DUSP2: variants seen among roughly 807,000 people sequenced by gnomAD.
DUSP2 encodes dual specificity phosphatase 2.
DUSP2 carries 20 observed loss-of-function variants against 23.3 expected under a neutral mutation model. That is an observed-to-expected ratio of 0.86 (90% CI 0.60 to 1.25). The LOEUF (loss-of-function observed/expected upper bound fraction) is 1.25. DUSP2 is among the 50% of genes most tolerant of loss of function. DUSP2 has a pLI of 0.00. For synonymous variants in DUSP2, 231 were observed against 209.7 expected (o/e 1.10, Z -0.88); for missense variants, 435 against 452.6 (o/e 0.96, Z 0.35).
rs1682476114 is a variant in DUSP2 at position 96,144,810 on chromosome 2, G to C, written c.461C>G (p.Thr154Arg). The change falls in exon 2 of 4, where the codon ACA (threonine) becomes AGA (arginine). Residue 154 changes from threonine (T) to arginine (R), a missense_variant. Thr to Arg is a moderately conservative substitution (Grantham distance 71, BLOSUM62 -1). Coordinates refer to ENST00000288943, the MANE Select transcript of DUSP2 (RefSeq NM_004418.4). ...GTCGGAGCGGCTGGTTTTGTCCCCT[G>C]TTGGCGGCAGCGCAGGGGCGGGGGC... The part of the protein sequence containing the change: ...SEAPAPALPP[T>R]GDKTSRSDSR... The C allele has an allele frequency of 6.3e-7, 1 of 1,576,826 alleles. No individual in the cohort carries two copies. The highest frequency in any genetic ancestry group is 1.2e-5 in the South Asian group (1 of 86,210).
At position 96,144,230 on chromosome 2, in the gene DUSP2, G is replaced by T; in HGVS notation, c.654C>A (p.Arg218=). The change falls in exon 3 of 4, where the codon CGC becomes CGA. Residue 218 remains arginine (R), a synonymous_variant. Transcript: ENST00000288943. ...TGTCCTCCACAGGGATACTCTTGTA[G>T]CGGAAAAGGCCCTCAAAGTGGTTGG... The part of the protein sequence containing the change: ...SCPNHFEGLF[R]YKSIPVEDNQ... The T allele has an allele frequency of 6.2e-7, 1 of 1,614,140 alleles. No homozygotes were observed. Among genetic ancestry groups the T allele is most frequent in the African/African-American group, 1.3e-5 (1 of 75,052 alleles).
At position 96,143,971 on chromosome 2, in the gene DUSP2, G is replaced by A; in HGVS notation, c.797C>T (p.Thr266Ile). The A allele has an allele frequency of 6.2e-7, 1 of 1,613,832 alleles. No homozygotes were observed. The highest frequency in any genetic ancestry group is 8.5e-7 in the Non-Finnish European group (1 of 1,180,018). ...CTGCATGAGGTATGCCAGACAGATG[G>A]TGGCAGAGCGCGAGATACCCGCCTG... Reference protein sequence around the residue: ...HCQAGISRSATICLAYLMQSR... With the variant: ...HCQAGISRSAIICLAYLMQSR... The change falls in exon 4 of 4, where the codon ACC becomes ATC. Residue 266 changes from threonine (T) to isoleucine (I), a missense_variant. Thr to Ile is a moderately conservative substitution (Grantham distance 89, BLOSUM62 -1). Transcript: ENST00000288943.
At position 96,144,320 on chromosome 2, in the gene DUSP2, C is replaced by A; in HGVS notation, c.564G>T (p.Ser188=). Residue 188 remains serine (S), a synonymous_variant, in exon 3 of 4, where the codon TCG becomes TCT. Coordinates refer to ENST00000288943, the MANE Select transcript of DUSP2 (RefSeq NM_004418.4). ...PYLFLGSCSH[S]SDLQGLQACG... ...AGGCCTGCAGCCCCTGCAGGTCTGA[C>A]GAGTGACTGCAGCTGCCCAGGAACA... 1 of 1,613,814 alleles carries A rather than the reference C, an allele frequency of 6.2e-7. No homozygotes were observed.
rs765869354 is a variant in DUSP2 at position 96,144,353 on chromosome 2, C to T, written c.531G>A (p.Leu177=). ...VYDQGGPVEI[L]PYLFLGSCSH... Reference sequence around the variant, plus strand: ...TGCAGCTGCCCAGGAACAGGTAGGGCAAGATCTCCACAGGGCCACCCTGGA... The same window carrying T: ...TGCAGCTGCCCAGGAACAGGTAGGGTAAGATCTCCACAGGGCCACCCTGGA... The change falls in exon 3 of 4, where the codon TTG becomes TTA. Residue 177 remains leucine, a synonymous_variant. Coordinates refer to ENST00000288943, the MANE Select transcript of DUSP2 (RefSeq NM_004418.4). 1 of 1,613,572 alleles carries T rather than the reference C, an allele frequency of 6.2e-7. No individual in the cohort carries two copies. Among genetic ancestry groups the T allele is most frequent in the Non-Finnish European group, 8.5e-7 (1 of 1,179,972 alleles).
intron 2 of DUSP2, 50 bp from the exon 3 acceptor site, chr2:96,144,423 G>C (rs952192391): frequency 3.8e-6 from 6 of 1,580,894 alleles, no homozygotes; most frequent in South Asian, 1.1e-5. Context: ...GCCCCGGAGA[G>C]CTGGAGCAGC....
intron 1 of DUSP2, 36 bp from the exon 2 acceptor site, chr2:96,144,918 G>T: frequency 6.5e-7 from 1 of 1,548,776 alleles, no homozygotes; most frequent in Non-Finnish European, 8.7e-7. Context: ...AGCAGGGAAA[G>T]CCGGGCTGGA....
chr2:96,143,753 G>C lies in DUSP2; in HGVS notation c.*70C>G. ...GAGGTGAGGGGACTGTGCTGGCCCA[G>C]AGGGGAGCCCACCAGTCCACAGTCA... On this transcript the variant is annotated 3_prime_UTR_variant, in exon 4 of 4. Transcript: ENST00000288943. 2 of 1,572,482 alleles carry C rather than the reference G, an allele frequency of 1.3e-6. No homozygotes were observed. The highest frequency in any genetic ancestry group is 1.7e-6 in the Non-Finnish European group (2 of 1,153,752).
In DUSP2 at chr2:96,144,364, C is replaced by T; in HGVS notation, c.520G>A (p.Val174Met). 1 of 1,613,332 alleles carries T rather than the reference C, an allele frequency of 6.2e-7. No homozygotes were observed. The highest frequency in any genetic ancestry group is 1.1e-5 in the South Asian group (1 of 91,082). ...AGGAACAGGTAGGGCAAGATCTCCA[C>T]AGGGCCACCCTGGAGGGAACAGAGG... ...RAPVYDQGGPVEILPYLFLGS... is the reference protein window; with the variant it reads ...RAPVYDQGGPMEILPYLFLGS... Residue 174 changes from valine to methionine, a missense_variant, in exon 3 of 4, where the codon GTG (valine) becomes ATG (methionine). Val to Met is a conservative substitution (Grantham distance 21). Transcript: ENST00000288943.
chr2:96,145,299 C>T lies in DUSP2; in HGVS notation c.56G>A (p.Arg19Gln). The T allele has an allele frequency of 1.4e-6, 2 of 1,401,990 alleles. No homozygotes were observed. Among genetic ancestry groups the T allele is most frequent in the Admixed American group, 5.6e-5 (2 of 35,752 alleles). 86.8% of individuals were successfully genotyped at this position (1,401,990 alleles called of 1,614,324 possible). ...CGTGCGTTCCGCCTCCCGCGGATCC[C>T]GCAGCAGCGTGCCCAGCGCCGCGCA... ...LECAALGTLL[R>Q]DPREAERTLL... Residue 19 changes from arginine to glutamine, a missense_variant, in exon 1 of 4, where the codon CGG (arginine) becomes CAG (glutamine). Coordinates refer to ENST00000288943, the MANE Select transcript of DUSP2 (RefSeq NM_004418.4).
At position 96,144,276 on chromosome 2, in the gene DUSP2, A is replaced by G; in HGVS notation, c.608T>C (p.Leu203Pro). ...GTTGGGGCAGCTGGCGGACACGTTG[A>G]GGACGGCTGTGATGCCACAGGCCTG... ...GLQACGITAVLNVSASCPNHF... is the reference protein window; with the variant it reads ...GLQACGITAVPNVSASCPNHF... Residue 203 changes from leucine to proline, a missense_variant, in exon 3 of 4, where the codon CTC (leucine) becomes CCC (proline). Transcript: ENST00000288943. 1 of 1,613,926 alleles carries G rather than the reference A, an allele frequency of 6.2e-7. No individual in the cohort carries two copies. The highest frequency in any genetic ancestry group is 1.6e-4 in the Middle Eastern group (1 of 6,062).
intron 2 of DUSP2, 92 bp downstream of exon 2, chr2:96,144,669 C>A: frequency 1.6e-6 from 2 of 1,235,512 alleles, no homozygotes; most frequent in Non-Finnish European, 1.1e-6. Flanking sequence ...GGGCAAACTG[C>A]TCGCATCCCC....
Position 96,145,316 on chromosome 2 carries a change from C to T in DUSP2, c.39G>A (p.Ala13=). The T allele has an allele frequency of 7.0e-7, 1 of 1,424,950 alleles. No homozygotes were observed. 88.3% of individuals were successfully genotyped at this position (1,424,950 alleles called of 1,614,324 possible). A position where few individuals can be genotyped will look rare whatever the true frequency, so the allele number is the denominator to read the frequency against. ...LEAARELECA[A]LGTLLRDPRE... is the part of the protein sequence containing the mutation. Reference sequence around the variant, plus strand: ...GCGGATCCCGCAGCAGCGTGCCCAGCGCCGCGCACTCCAGCTCGCGCGCCG... The same window carrying T: ...GCGGATCCCGCAGCAGCGTGCCCAGTGCCGCGCACTCCAGCTCGCGCGCCG... The change falls in exon 1 of 4, where the codon GCG becomes GCA. Residue 13 remains alanine (A), a synonymous_variant. Transcript: ENST00000288943.
Position 96,144,199 on chromosome 2 carries a change from T to C in DUSP2, c.685A>G (p.Met229Val), listed in dbSNP as rs756891334. 6.2e-7 allele frequency: 1 copy of C among 1,614,124 alleles called. No individual in the cohort carries two copies. Among genetic ancestry groups the C allele is most frequent in the Non-Finnish European group, 8.5e-7 (1 of 1,180,018 alleles). Residue 229 changes from methionine (M) to valine (V), a missense_variant, in exon 3 of 4, where the codon ATG (methionine) becomes GTG (valine). Coordinates refer to ENST00000288943, the MANE Select transcript of DUSP2 (RefSeq NM_004418.4). ...TGGAACCAGGCACTGATCTCCACCA[T>C]CTGGTTGTCCTCCACAGGGATACTC... ...YKSIPVEDNQ[M>V]VEISAWFQEA...
At position 96,145,147 on chromosome 2, in the gene DUSP2, G is replaced by A. The variant is rs1234381396; in HGVS notation, c.208C>T (p.Leu70=). ...GTCCGCAGCGCGCGGTCGGGCAGCA[G>A]GCAGGCGAGAACGGCGGCAGGAGGG... ...RGPPAAVLAC[L]LPDRALRTRL... Residue 70 remains leucine, a synonymous_variant, in exon 1 of 4, where the codon CTG becomes TTG. Coordinates refer to ENST00000288943, the MANE Select transcript of DUSP2 (RefSeq NM_004418.4). 1 of 1,338,646 alleles carries A rather than the reference G, an allele frequency of 7.5e-7. No homozygotes were observed. The highest frequency in any genetic ancestry group is 9.5e-7 in the Non-Finnish European group (1 of 1,052,350). 82.9% of individuals were successfully genotyped at this position (1,338,646 alleles called of 1,614,324 possible). A position where few individuals can be genotyped will look rare whatever the true frequency, so the allele number is the denominator to read the frequency against.
At chr2:96,144,566 C>A in intron 2 of DUSP2, 193 bp from the exon 3 acceptor site, 1 of 719,414 alleles carries the variant, frequency 1.4e-6, no homozygotes, top group Non-Finnish European at 2.3e-6. Flanking sequence ...CCAACATACA[C>A]ATGCAAACAT....
In DUSP2 at chr2:96,144,255, G is replaced by A. The variant is rs763429869; in HGVS notation, c.629C>T (p.Pro210Leu). ...GCGGAAAAGGCCCTCAAAGTGGTTG[G>A]GGCAGCTGGCGGACACGTTGAGGAC... ...TAVLNVSASC[P>L]NHFEGLFRYK... The change falls in exon 3 of 4, where the codon CCC becomes CTC. Residue 210 changes from proline to leucine, a missense_variant. Coordinates refer to ENST00000288943, the MANE Select transcript of DUSP2 (RefSeq NM_004418.4). 11 of 1,613,920 alleles carry A rather than the reference G, an allele frequency of 6.8e-6. No homozygotes were observed. Among genetic ancestry groups the A allele is most frequent in the Admixed American group, 1.7e-5 (1 of 60,010 alleles).
Position 96,145,279 on chromosome 2 carries a change from G to T in DUSP2, c.76C>A (p.Arg26Ser), listed in dbSNP as rs764301796. The T allele has an allele frequency of 2.6e-4, 345 of 1,347,468 alleles. No individual in the cohort carries two copies. Among genetic ancestry groups the T allele is most frequent in the Admixed American group, 1.0e-3 (31 of 29,732 alleles). The allele number at this position is 1,347,468 out of a possible 1,614,324, so 83.5% of individuals were successfully genotyped here. A position where few individuals can be genotyped will look rare whatever the true frequency, so the allele number is the denominator to read the frequency against. ...TLLRDPREAERTLLLDCRPFL... is the reference protein window; with the variant it reads ...TLLRDPREAESTLLLDCRPFL... The stretch of plus-strand genomic sequence containing the variant: ...GGGCGGCAGTCCAGCAGCAGCGTGC[G>T]TTCCGCCTCCCGCGGATCCCGCAGC... The change falls in exon 1 of 4, where the codon CGC becomes AGC. Residue 26 changes from arginine (R) to serine (S), a missense_variant. Physicochemically the swap from Arg to Ser is moderately radical, Grantham distance 110. Coordinates refer to ENST00000288943, the MANE Select transcript of DUSP2 (RefSeq NM_004418.4).
chr2:96,145,112 G>T lies in DUSP2; in HGVS notation c.243C>A (p.Val81=). The T allele has an allele frequency of 7.2e-7, 1 of 1,384,988 alleles. No individual in the cohort carries two copies. The highest frequency in any genetic ancestry group is 2.4e-4 in the Middle Eastern group (1 of 4,186). 85.8% of individuals were successfully genotyped at this position (1,384,988 alleles called of 1,614,324 possible). Residue 81 remains valine (V), a synonymous_variant, in exon 1 of 4, where the codon GTC becomes GTA. Coordinates refer to ENST00000288943, the MANE Select transcript of DUSP2 (RefSeq NM_004418.4). The stretch of plus-strand genomic sequence containing the variant: ...CCACGGCCCGCGCCAGCTCCCCGCG[G>T]ACCAGGCGCGTCCGCAGCGCGCGGT... ...LPDRALRTRL[V]RGELARAVVL...
intron 2 of DUSP2, 100 bp downstream of exon 2, chr2:96,144,661 G>T: frequency 8.5e-7 from 1 of 1,171,328 alleles, no homozygotes; most frequent in Non-Finnish European, 1.2e-6. Flanking sequence ...GTGTATATGG[G>T]CAAACTGCTC....
Sources: gnomAD v4.1 joint callset for allele counts on GRCh38, gnomAD v4.1.1 for gene constraint, MANE v1.5 for transcripts, NCBI Gene and HGNC (gene_info 2026-07-23, HGNC 2026-07-21) for gene names.